The following LUZP2 variants were observed in gnomAD, a reference collection of about 807,000 sequenced individuals.
The protein encoded by LUZP2 is leucine zipper protein 2.
Under a neutral mutation model 51.6 loss-of-function variants are expected in LUZP2, and 52 were observed. The ratio of observed to expected loss-of-function variants is 1.01; its 90% CI spans 0.81 to 1.27. The LOEUF is 1.27. Ranked by LOEUF, LUZP2 falls within the 50% of genes most tolerant of loss-of-function variation. The pLI is 0.00. For missense variants in LUZP2, 436 were observed against 395.4 expected (o/e 1.10, Z -0.87); for synonymous variants, 154 against 137.3 (o/e 1.12, Z -0.85).
At chr11:24,867,272 A>T (rs7130523) in intron 5 of LUZP2, among the ~76,000 whole-genome samples, 1 of 151,902 alleles carries the variant, frequency 6.6e-6, no homozygotes, top group African/African-American at 2.4e-5. Flanking sequence ...CCCCAGGGAT[A>T]TACAAGACAT....
At chr11:24,607,803 T>C (rs898990244) in intron 1 of LUZP2, among the ~76,000 whole-genome samples, 16 of 151,910 alleles carry the variant, frequency 1.1e-4, no homozygotes, top group African/African-American at 2.2e-4. Context: ...TTGTAGTACA[T>C]CTGTTGGTAC....
intron 1 of LUZP2, among the ~76,000 whole-genome samples, chr11:24,698,018 T>C (rs1565083772): frequency 6.6e-6 from 1 of 152,144 alleles, no homozygotes. Flanking sequence ...GGAACACTCA[T>C]TCCCTAGACC....
At chr11:24,545,833 G>C (rs1851523240) in intron 1 of LUZP2, among the ~76,000 whole-genome samples, 2 of 152,118 alleles carry the variant, frequency 1.3e-5, no homozygotes, top group South Asian at 4.2e-4. Flanking sequence ...AATGTCATTG[G>C]TAGTTTGATA....
At chr11:24,982,033 A>G (rs548482649) in intron 8 of LUZP2, among the ~76,000 whole-genome samples, 3 of 152,102 alleles carry the variant, frequency 2.0e-5, no homozygotes, top group Admixed American at 2.0e-4. Flanking sequence ...TAATTATTAG[A>G]GAAACGCGAA....
chr11:24,636,363 T>C (rs1358416956), intron 1 of LUZP2, among the ~76,000 whole-genome samples: 1 of 152,126 alleles, frequency 6.6e-6, no homozygotes, highest in Non-Finnish European at 1.5e-5. Context: ...AAGGCATAGA[T>C]AGCATGCTTA....
intron 7 of LUZP2, among the ~76,000 whole-genome samples, chr11:24,951,856 C>T (rs1285109131): frequency 6.6e-6 from 1 of 151,634 alleles, no homozygotes; most frequent in Non-Finnish European, 1.5e-5. Flanking sequence ...ATTCTATTTA[C>T]AATGGGAAAT....
intron 1 of LUZP2, among the ~76,000 whole-genome samples, chr11:24,549,288 A>G (rs1851653166): frequency 6.6e-6 from 1 of 152,098 alleles, no homozygotes; most frequent in Admixed American, 6.6e-5. Flanking sequence ...AGGATTATCA[A>G]TATCACTGTC....
At position 24,769,706 on chromosome 11, in the gene LUZP2, T is replaced by TTG. The variant is rs1554988285; in HGVS notation, c.396+6398_396+6399insTG. On this transcript the variant is annotated intron_variant, in intron 5 of 11. Coordinates refer to ENST00000336930, the MANE Select transcript of LUZP2 (RefSeq NM_001009909.4). ...CTATGGTGGTCTATTTTTTTTTTTT[T>TTG]GGGATTATAATTGATTTGTTTCCTG... Among the ~76,000 whole-genome samples, 521 of 148,240 alleles carry TTG rather than the reference T, an allele frequency of 3.5e-3. 4 individuals are homozygous for TTG. Among genetic ancestry groups the TTG allele is most frequent in the African/African-American group, 9.6e-3 (383 of 39,972 alleles).
At position 24,906,016 on chromosome 11, in the gene LUZP2, T is replaced by C; in HGVS notation, c.422T>C (p.Leu141Ser). 1.2e-6 allele frequency: 2 copies of C among 1,613,282 alleles called. No individual in the cohort carries two copies. The highest frequency in any genetic ancestry group is 2.2e-5 in the East Asian group (1 of 44,746). The change falls in exon 6 of 12, where the codon TTG (leucine) becomes TCG (serine). Residue 141 changes from leucine (L) to serine (S), a missense_variant. By Grantham distance (145) the Leu-to-Ser change is moderately radical. Transcript: ENST00000336930. ...AATAAAAGCTTGAAAAACAAACTCT[T>C]GTCAGGAAACAAGCTCTGTGGCATT... ...NENKSLKNKL[L>S]SGNKLCGIHA...
intron 4 of LUZP2, among the ~76,000 whole-genome samples, chr11:24,744,297 T>C (rs1179784229): frequency 2.0e-5 from 3 of 152,194 alleles, no homozygotes; most frequent in Non-Finnish European, 2.9e-5. Context: ...TACCAATTCT[T>C]CTTTGAATAT....
chr11:25,050,733 C>G (rs1443631508), intron 10 of LUZP2, among the ~76,000 whole-genome samples: 2 of 152,024 alleles, frequency 1.3e-5, no homozygotes, highest in Non-Finnish European at 2.9e-5. Context: ...GGTGCTCATT[C>G]CCACAGCTAC....
chr11:24,544,878 G>A (rs1851490748), intron 1 of LUZP2, among the ~76,000 whole-genome samples: 1 of 152,048 alleles, frequency 6.6e-6, no homozygotes, highest in South Asian at 2.1e-4. Context: ...TTTCCACAAT[G>A]GCTGAACTAA....
intron 4 of LUZP2, among the ~76,000 whole-genome samples, chr11:24,756,569 T>C (rs1859782990): frequency 2.0e-5 from 3 of 152,140 alleles, no homozygotes; most frequent in Admixed American, 6.5e-5. Flanking sequence ...TTCCGAGCTG[T>C]GTTTCCCTGA....
At chr11:24,528,093 T>C (rs1004413564) in intron 1 of LUZP2, among the ~76,000 whole-genome samples, 2 of 151,236 alleles carry the variant, frequency 1.3e-5, no homozygotes, top group African/African-American at 4.8e-5. Flanking sequence ...ATTTTTTTGA[T>C]GAAGCATAAG....
At chr11:24,660,648 G>T (rs537971663) in intron 1 of LUZP2, among the ~76,000 whole-genome samples, 1 of 152,188 alleles carries the variant, frequency 6.6e-6, no homozygotes, top group African/African-American at 2.4e-5. Flanking sequence ...AATATTTTTA[G>T]AAAGACTTTG....
intron 10 of LUZP2, among the ~76,000 whole-genome samples, chr11:25,056,950 A>G (rs1391616274): frequency 6.6e-6 from 1 of 152,080 alleles, no homozygotes; most frequent in Non-Finnish European, 1.5e-5. Flanking sequence ...AATACAAAAA[A>G]TTAGCTGGGC....
chr11:24,871,665 A>T (rs1852078200), intron 5 of LUZP2, among the ~76,000 whole-genome samples: 1 of 152,066 alleles, frequency 6.6e-6, no homozygotes, highest in African/African-American at 2.4e-5. Context: ...GTATTTAATC[A>T]CAGAATTGTT....
At chr11:24,721,678 T>C (rs994637198) in intron 1 of LUZP2, among the ~76,000 whole-genome samples, 1 of 152,152 alleles carries the variant, frequency 6.6e-6, no homozygotes, top group Non-Finnish European at 1.5e-5. Context: ...TCTAAATAAA[T>C]TGTAGTATAT....
intron 7 of LUZP2, among the ~76,000 whole-genome samples, chr11:24,926,800 T>G (rs188410885): frequency 1.5e-4 from 22 of 151,720 alleles, no homozygotes; most frequent in African/African-American, 5.1e-4. Context: ...ATTTAGTTCC[T>G]TTAAGGAATC....
Sources: gnomAD v4.1 joint callset for allele counts (sites outside exome capture counted in the v4.1 genomes callset) on GRCh38, gnomAD v4.1.1 for gene constraint, MANE v1.5 for transcripts, NCBI Gene and HGNC (gene_info 2026-07-23, HGNC 2026-07-21) for gene names.